Variants in RANBP9 observed in about 807,000 individuals in gnomAD.
The protein encoded by RANBP9 is ran-binding protein 9.
RANBP9 carries 15 observed loss-of-function variants against 84.3 expected under a neutral mutation model. The observed-to-expected ratio is 0.18, with a 90% CI of 0.12 to 0.27. The LOEUF is 0.27. Ranked by LOEUF, RANBP9 falls within the 10% of genes least tolerant of loss-of-function variation. The pLI is 1.00. For synonymous variants in RANBP9, 392 were observed against 349.6 expected (o/e 1.12, Z -1.35); for missense variants, 809 against 912.8 (o/e 0.89, Z 1.46).
At chr6:13,633,418 G>A (rs919578655) in intron 11 of RANBP9, among the ~76,000 whole-genome samples, 7 of 152,210 alleles carry the variant, frequency 4.6e-5, no homozygotes, top group Non-Finnish European at 7.3e-5. Flanking sequence ...AGGTAATGAC[G>A]ATGATGATGG....
At chr6:13,693,947 G>A (rs1366297468) in intron 2 of RANBP9, among the ~76,000 whole-genome samples, 3 of 152,212 alleles carry the variant, frequency 2.0e-5, no homozygotes, top group Middle Eastern at 3.4e-3. Context: ...GGAGGCTGAG[G>A]CAGGAGAATT....
intron 1 of RANBP9, among the ~76,000 whole-genome samples, chr6:13,702,558 A>T (rs932943836): frequency 1.3e-5 from 2 of 152,210 alleles, no homozygotes; most frequent in Non-Finnish European, 2.9e-5. Context: ...CAACCAAATT[A>T]AAACAAGATT....
At chr6:13,676,282 A>G (rs1765884207) in intron 2 of RANBP9, among the ~76,000 whole-genome samples, 1 of 152,154 alleles carries the variant, frequency 6.6e-6, no homozygotes, top group Non-Finnish European at 1.5e-5. Flanking sequence ...AAATAAAAAC[A>G]TATACTCAGA....
intron 1 of RANBP9, among the ~76,000 whole-genome samples, chr6:13,697,597 C>G (rs1230950006): frequency 6.6e-6 from 1 of 152,166 alleles, no homozygotes; most frequent in East Asian, 1.9e-4. Context: ...TTTAAACCAG[C>G]TATTCCTCAA....
chr6:13,670,691 T>C (rs1765757651), intron 2 of RANBP9, among the ~76,000 whole-genome samples: 1 of 151,594 alleles, frequency 6.6e-6, no homozygotes, highest in Admixed American at 6.6e-5. Flanking sequence ...TCCCAGCTAC[T>C]TGGGAGGCTG....
chr6:13,699,621 G>A (rs974044399), intron 1 of RANBP9, among the ~76,000 whole-genome samples: 3 of 152,246 alleles, frequency 2.0e-5, no homozygotes, highest in South Asian at 4.1e-4. Flanking sequence ...CCAGCACTTT[G>A]GGAGGCTGAG....
Position 13,673,473 on chromosome 6 carries a change from G to C in RANBP9, c.684-14641C>G, listed in dbSNP as rs143030566. On this transcript the variant is annotated intron_variant, in intron 2 of 13. Transcript: ENST00000011619. The stretch of plus-strand genomic sequence containing the variant: ...ATGAAGAAAGGGAGAGTCCAAGAAG[G>C]AATAAATGAAGATACACTCTTTTAT... Among the ~76,000 whole-genome samples, 962 of 152,242 alleles carry C rather than the reference G, an allele frequency of 6.3e-3. 7 individuals are homozygous for C. Among genetic ancestry groups the C allele is most frequent in the Non-Finnish European group, 0.011 (758 of 68,008 alleles).
intron 2 of RANBP9, among the ~76,000 whole-genome samples, chr6:13,682,799 C>T (rs1279909556): frequency 1.3e-5 from 2 of 152,106 alleles, no homozygotes; most frequent in South Asian, 4.1e-4. Flanking sequence ...ATCAAAGATT[C>T]TCAGAATAAG....
chr6:13,657,740 A>G (rs913713546), intron 3 of RANBP9, among the ~76,000 whole-genome samples: 6 of 152,192 alleles, frequency 3.9e-5, no homozygotes, highest in African/African-American at 1.4e-4. Flanking sequence ...CACTACAGAT[A>G]TGTTTATATC....
intron 2 of RANBP9, among the ~76,000 whole-genome samples, chr6:13,693,245 C>T (rs915753289): frequency 3.9e-5 from 6 of 152,078 alleles, no homozygotes; most frequent in Admixed American, 1.3e-4. Flanking sequence ...AGCCAGCATG[C>T]GTAGTCAGAG....
intron 2 of RANBP9, among the ~76,000 whole-genome samples, chr6:13,674,684 A>G (rs940219670): frequency 6.6e-6 from 1 of 152,160 alleles, no homozygotes; most frequent in African/African-American, 2.4e-5. Flanking sequence ...CCTGTGATCA[A>G]TCCAGCAGCT....
intron 1 of RANBP9, among the ~76,000 whole-genome samples, chr6:13,701,718 C>T (rs949516061): frequency 2.0e-5 from 3 of 151,450 alleles, no homozygotes; most frequent in Admixed American, 6.6e-5. Context: ...TGCAGTGACC[C>T]GACGTTGTAC....
intron 11 of RANBP9, 54 bp downstream of exon 11, chr6:13,634,377 A>G: frequency 6.3e-7 from 1 of 1,577,950 alleles, no homozygotes; most frequent in Non-Finnish European, 8.6e-7. Flanking sequence ...AAGTAAAAAC[A>G]TAACCTTGTA....
intron 5 of RANBP9, among the ~76,000 whole-genome samples, chr6:13,646,988 C>G (rs1765187109): frequency 6.6e-6 from 1 of 152,180 alleles, no homozygotes; most frequent in African/African-American, 2.4e-5. Flanking sequence ...GATTTAAAAA[C>G]TTTTGCACAT....
At position 13,657,141 on chromosome 6, in the gene RANBP9, G is replaced by C; in HGVS notation, c.872C>G (p.Thr291Ser). 6.2e-7 allele frequency: 1 copy of C among 1,611,824 alleles called. No homozygotes were observed. Among genetic ancestry groups the C allele is most frequent in the South Asian group, 1.1e-5 (1 of 90,594 alleles). Residue 291 changes from threonine (T) to serine (S), a missense_variant, in exon 4 of 14, where the codon ACC (threonine) becomes AGC (serine). Around this residue, in one of 5 missense-constraint regions of RANBP9, gnomAD observed 216 missense variants for 329.0 expected, o/e 0.66. Coordinates refer to ENST00000011619, the MANE Select transcript of RANBP9 (RefSeq NM_005493.3). ...ATGTCCATTCTTGGTGTAAAAGCAG[G>C]TATTGTTGATAAGATTAACACAACA... ...IGCCVNLINN[T>S]CFYTKNGHSL...
Position 13,711,212 on chromosome 6 carries a change from G to T in RANBP9, c.294C>A (p.Pro98=), listed in dbSNP as rs1162350480. 10 of 1,176,826 alleles carry T rather than the reference G, an allele frequency of 8.5e-6. No homozygotes were observed. Among genetic ancestry groups the T allele is most frequent in the Non-Finnish European group, 1.0e-5 (10 of 952,396 alleles). 72.9% of individuals were successfully genotyped at this position (1,176,826 alleles called of 1,614,324 possible). A position where few individuals can be genotyped will look rare whatever the true frequency, so the allele number is the denominator to read the frequency against. ...CCGGGGGAGCGGGCGGCCCGCTGGC[G>T]GGGGCAGCCGCTGAGGCAGGGGGAG... ...PPPPPASAAA[P]ASGPPAPPGL... is the part of the protein sequence containing the mutation. Residue 98 remains proline (P), a synonymous_variant, in exon 1 of 14, where the codon CCC becomes CCA. Coordinates refer to ENST00000011619, the MANE Select transcript of RANBP9 (RefSeq NM_005493.3).
chr6:13,630,993 T>G (rs1012268777), intron 12 of RANBP9, among the ~76,000 whole-genome samples: 5 of 152,088 alleles, frequency 3.3e-5, no homozygotes, highest in Non-Finnish European at 7.4e-5. Flanking sequence ...GTATTTTTAG[T>G]AGAGACGGGG....
chr6:13,696,932 G>C (rs765970521), intron 1 of RANBP9, 36 bp from the exon 2 acceptor site: 2 of 1,508,026 alleles, frequency 1.3e-6, no homozygotes, highest in Non-Finnish European at 1.8e-6. Context: ...GAAGTCACAT[G>C]AGATATTCAC....
At chr6:13,634,339 T>G in intron 11 of RANBP9, 92 bp downstream of exon 11, 1 of 1,447,726 alleles carries the variant, frequency 6.9e-7, no homozygotes, top group Non-Finnish European at 9.4e-7. Flanking sequence ...TTAAATCTGG[T>G]TTATGCTCAT....
Sources: allele counts gnomAD v4.1 joint callset (sites outside exome capture counted in the v4.1 genomes callset), GRCh38; gene constraint gnomAD v4.1.1; regional missense constraint gnomAD v4.1.1; transcripts MANE v1.5; gene names NCBI Gene and HGNC (gene_info 2026-07-23, HGNC 2026-07-21).